Variants in BCAS3 observed in about 807,000 individuals in gnomAD.
The protein encoded by BCAS3 is BCAS3 microtubule associated cell migration factor.
Under a neutral mutation model 116.1 loss-of-function variants are expected in BCAS3, and 53 were observed. The observed-to-expected ratio is 0.46, with a 90% CI of 0.37 to 0.57. The LOEUF (loss-of-function observed/expected upper bound fraction) is 0.57. Ranked by LOEUF, BCAS3 falls within the 20% of genes least tolerant of loss-of-function variation. The pLI is 0.00. For missense variants in BCAS3, 917 were observed against 1,165.4 expected (o/e 0.79, Z 3.10); for synonymous variants, 391 against 408.2 (o/e 0.96, Z 0.51).
At position 61,160,329 on chromosome 17, in the gene BCAS3, C is replaced by T. The variant is rs372121995; in HGVS notation, c.2425+75765C>T. On this transcript the variant is annotated intron_variant, in intron 22 of 23. Transcript: ENST00000407086. Reference sequence around the variant, plus strand: ...GGATAACCTTGTAAAAGTCCCTCCACTAGTCATATAGTGAATATGTCACAT... The same window carrying T: ...GGATAACCTTGTAAAAGTCCCTCCATTAGTCATATAGTGAATATGTCACAT... Among the ~76,000 whole-genome samples, 12 of 152,116 alleles carry T rather than the reference C, an allele frequency of 7.9e-5. No individual in the cohort carries two copies. In the South Asian group the frequency reaches 1.0e-3, roughly 13 times the overall value.
intron 22 of BCAS3, among the ~76,000 whole-genome samples, chr17:61,218,079 CAAG>C (rs1482736408): frequency 2.6e-5 from 4 of 152,166 alleles, no homozygotes; most frequent in Non-Finnish European, 4.4e-5. Context: ...CCAGCCAGAA[CAAG>C]AAGAACTGAG....
chr17:60,892,727 C>T (rs2057254640), intron 10 of BCAS3, among the ~76,000 whole-genome samples: 1 of 151,944 alleles, frequency 6.6e-6, no homozygotes, highest in Non-Finnish European at 1.5e-5. Context: ...TCGAGACCAG[C>T]CTGGCCAACA....
rs150361196 is a variant in BCAS3 at position 61,031,358 on chromosome 17, T to C, written c.1638-3308T>C. On this transcript the variant is annotated intron_variant, in intron 16 of 23. Transcript: ENST00000407086. ...TTGTGATAGAAATATTCTAGGTCATTGTGGAAAAGTTCATACATTGTATGT... is the reference window on the plus strand; with the variant it reads ...TTGTGATAGAAATATTCTAGGTCATCGTGGAAAAGTTCATACATTGTATGT... 8.6e-4 allele frequency among the ~76,000 whole-genome samples: 131 copies of C among 152,166 alleles called. No individual in the cohort carries two copies. In the Middle Eastern group the frequency reaches 0.01, roughly 12 times the overall value.
At position 61,124,401 on chromosome 17, in the gene BCAS3, A is replaced by G. The variant is rs1026599783; in HGVS notation, c.2425+39837A>G. Among the ~76,000 whole-genome samples the G allele has an allele frequency of 3.9e-5, 6 of 152,170 alleles. No homozygotes were observed. Among genetic ancestry groups the G allele is most frequent in the Admixed American group, 6.5e-5 (1 of 15,280 alleles). On this transcript the variant is annotated intron_variant, in intron 22 of 23. Transcript: ENST00000407086. The surrounding 1 kb of genome is among the most constrained non-coding windows in gnomAD (Gnocchi z 4.6). ...TAAAAGTAGGGATTATAATATAACA[A>G]TGCATCTTTTTATTTAGTTTGTTAA... is the stretch of plus-strand genomic sequence containing the variant.
At chr17:61,287,016 A>T (rs2051867847) in intron 22 of BCAS3, among the ~76,000 whole-genome samples, 1 of 152,102 alleles carries the variant, frequency 6.6e-6, no homozygotes, top group Non-Finnish European at 1.5e-5. Context: ...TGGGAGGCTG[A>T]GGTGGGTGGA....
At chr17:60,696,390 T>C (rs2035594950) in intron 4 of BCAS3, 1 of 152,320 alleles carries the variant, frequency 6.6e-6, no homozygotes, top group Admixed American at 6.6e-5. Context: ...GTCCAGGAGT[T>C]CTGAGCTATA....
intron 2 of BCAS3, among the ~76,000 whole-genome samples, chr17:60,680,130 T>A (rs2032785549): frequency 1.7e-5 from 1 of 57,304 alleles, no homozygotes; most frequent in African/African-American, 5.0e-5. Flanking sequence ...CAAGACTCTG[T>A]CTCCAAAAAA....
intron 14 of BCAS3, among the ~76,000 whole-genome samples, chr17:60,975,238 T>G (rs565061336): frequency 1.1e-3 from 162 of 151,778 alleles, no homozygotes; most frequent in Admixed American, 1.6e-3. Context: ...CCTGACCTCA[T>G]GATCCACCCG....
rs1191678976 is a variant in BCAS3 at position 60,967,247 on chromosome 17, ATTTGTTTTTGTTTGTCTCAGAAATAC to A, written c.1221+19899_1221+19924del. On this transcript the variant is annotated intron_variant, in intron 14 of 23. Coordinates refer to ENST00000407086, the MANE Select transcript of BCAS3 (RefSeq NM_017679.5). This position sits in a 1 kb window ranked among gnomAD's most constrained non-coding sequence, Gnocchi z 4.7. The stretch of plus-strand genomic sequence containing the variant: ...TAGGTGGGTCAGGTGGTGGCAAATT[ATTTGTTTTTGTTTGTCTCAGAAATAC>A]TTTATTTCCCCTTCATATTTCAAGT... Among the ~76,000 whole-genome samples, 2 of 152,000 alleles carry A rather than the reference ATTTGTTTTTGTTTGTCTCAGAAATAC, an allele frequency of 1.3e-5. No individual in the cohort carries two copies. The highest frequency in any genetic ancestry group is 4.8e-5 in the African/African-American group (2 of 41,366).
chr17:61,319,415 G>A (rs2055010204), intron 22 of BCAS3, among the ~76,000 whole-genome samples: 1 of 152,206 alleles, frequency 6.6e-6, no homozygotes, highest in Non-Finnish European at 1.5e-5. Context: ...GCTGGGATTA[G>A]TATGAGGAAT....
chr17:60,715,858 T>TTTTTA (rs1278059670), intron 5 of BCAS3, among the ~76,000 whole-genome samples: 1 of 151,864 alleles, frequency 6.6e-6, no homozygotes, highest in African/African-American at 2.4e-5. Flanking sequence ...ATGAAGTTAT[T>TTTTTA]TTTTATTTTA....
At chr17:60,756,419 C>G (rs565106293) in intron 6 of BCAS3, among the ~76,000 whole-genome samples, 1 of 152,262 alleles carries the variant, frequency 6.6e-6, no homozygotes, top group Admixed American at 6.5e-5. Flanking sequence ...TTATCCACCC[C>G]CCTTCCATCC....
intron 22 of BCAS3, among the ~76,000 whole-genome samples, chr17:61,173,148 A>G (rs2078950869): frequency 6.6e-6 from 1 of 151,642 alleles, no homozygotes; most frequent in Non-Finnish European, 1.5e-5. Context: ...AATAAAAAGG[A>G]AAATTAGAAA....
intron 12 of BCAS3, among the ~76,000 whole-genome samples, chr17:60,922,939 G>A (rs925666268): frequency 1.3e-5 from 2 of 152,128 alleles, no homozygotes; most frequent in African/African-American, 4.8e-5. Flanking sequence ...TAACTATAGT[G>A]TTATATGGAA....
At position 61,056,988 on chromosome 17, in the gene BCAS3, T is replaced by C. The variant is rs2069449420; in HGVS notation, c.2029+16096T>C. Among the ~76,000 whole-genome samples the C allele has an allele frequency of 1.3e-5, 2 of 152,224 alleles. No homozygotes were observed. The highest frequency in any genetic ancestry group is 1.5e-5 in the Non-Finnish European group (1 of 68,026). ...GACCTTCTTTATTTGAATTGACAAA[T>C]GGCTGCATTAGGAGAAGGAGGGAAA... is the stretch of plus-strand genomic sequence containing the variant. On this transcript the variant is annotated intron_variant, in intron 19 of 23. Transcript: ENST00000407086. This position sits in a 1 kb window ranked among gnomAD's most constrained non-coding sequence, Gnocchi z 4.9.
intron 4 of BCAS3, among the ~76,000 whole-genome samples, chr17:60,693,885 A>ATTT (rs202004899): frequency 3.8e-5 from 5 of 131,502 alleles, no homozygotes; most frequent in Non-Finnish European, 6.4e-5. Context: ...AAAAATTTTA[A>ATTT]TTTTTTTTTT....
At chr17:60,972,968 C>T (rs1055592612) in intron 14 of BCAS3, among the ~76,000 whole-genome samples, 1 of 151,992 alleles carries the variant, frequency 6.6e-6, no homozygotes, top group Non-Finnish European at 1.5e-5. Context: ...ACTTTTTATC[C>T]GAGCATTGCT....
chr17:60,936,560 G>A (rs369718882), intron 13 of BCAS3, among the ~76,000 whole-genome samples: 1 of 151,326 alleles, frequency 6.6e-6, no homozygotes, highest in Admixed American at 6.6e-5. Flanking sequence ...TCTAACTGGT[G>A]TGAGATGGTA....
At chr17:60,689,033 CTTAATAG>C (rs2034461927) in intron 3 of BCAS3, 1 of 152,150 alleles carries the variant, frequency 6.6e-6, no homozygotes, top group Non-Finnish European at 1.5e-5. Flanking sequence ...ACACCTAGCA[CTTAATAG>C]TTAAAGGTAG....
Sources: allele counts gnomAD v4.1 joint callset (sites outside exome capture counted in the v4.1 genomes callset), GRCh38; gene constraint gnomAD v4.1.1; non-coding constraint Gnocchi (gnomAD v3.1); transcripts MANE v1.5; gene names NCBI Gene and HGNC (gene_info 2026-07-23, HGNC 2026-07-21).